COG1: variants seen among roughly 807,000 people sequenced by gnomAD.
COG1 encodes conserved oligomeric Golgi complex subunit 1.
A neutral mutation model predicts 102.2 loss-of-function variants in COG1; 61 were observed. That is an observed-to-expected ratio of 0.60 (90% CI 0.49 to 0.74). The LOEUF is 0.74. COG1 is among the 30% of genes least tolerant of loss of function. The probability of loss-of-function intolerance (pLI) is 0.00; values close to 1 mark genes in which losing one functional copy is unlikely to be tolerated. For synonymous variants in COG1, 454 were observed against 493.6 expected (o/e 0.92, Z 1.06); for missense variants, 1,164 against 1,232.1 (o/e 0.94, Z 0.83).
In COG1 at chr17:73,208,453, A is replaced by T. The variant is rs111321873; in HGVS notation, c.*2A>T. ...TGGCTCTCTAGTATGACTAAGTAAC[A>T]TGGCAACACATCTGTCTCTCCCTAA... On this transcript the variant is annotated 3_prime_UTR_variant, in exon 14 of 14. Coordinates refer to ENST00000299886, the MANE Select transcript of COG1 (RefSeq NM_018714.3). The T allele has an allele frequency of 5.3e-5, 85 of 1,613,962 alleles. No homozygotes were observed. The highest frequency in any genetic ancestry group is 7.2e-5 in the Non-Finnish European group (85 of 1,179,940).
chr17:73,203,080 G>C lies in COG1; in HGVS notation c.2154G>C (p.Glu718Asp), dbSNP rs2061353653. ...SVLATATSWD[E>D]LEIQEEAESG... is the part of the protein sequence containing the mutation. Reference sequence around the variant, plus strand: ...TGGCCACAGCCACCAGCTGGGATGAGCTAGAAATTCAGGAGGAGGCAGAGT... The same window carrying C: ...TGGCCACAGCCACCAGCTGGGATGACCTAGAAATTCAGGAGGAGGCAGAGT... The change falls in exon 8 of 14, where the codon GAG (glutamate) becomes GAC (aspartate). Residue 718 changes from glutamate (E) to aspartate (D), a missense_variant. Coordinates refer to ENST00000299886, the MANE Select transcript of COG1 (RefSeq NM_018714.3). 1 of 1,614,084 alleles carries C rather than the reference G, an allele frequency of 6.2e-7. No individual in the cohort carries two copies. The highest frequency in any genetic ancestry group is 8.5e-7 in the Non-Finnish European group (1 of 1,180,036).
chr17:73,205,235 G>GC (rs2061363364), intron 9 of COG1: 6 of 348,682 alleles, frequency 1.7e-5, no homozygotes, highest in Middle Eastern at 9.3e-4. Context: ...AATTCAGTAA[G>GC]TCTTCTCTAA....
rs1244185477 is a variant in COG1, at chr17:73,197,502, G to A, written c.913+106G>A. 6 of 1,226,042 alleles carry A rather than the reference G, an allele frequency of 4.9e-6. No homozygotes were observed. In the Admixed American group the frequency reaches 5.6e-5, roughly 12 times the overall value. 75.9% of individuals were successfully genotyped at this position (1,226,042 alleles called of 1,614,324 possible). ...TGCTAGGCTCTGGGGATGGAGCAGTGAACTGGACAAATAGAGGCCCTTCCT... is the reference window on the plus strand; with the variant it reads ...TGCTAGGCTCTGGGGATGGAGCAGTAAACTGGACAAATAGAGGCCCTTCCT... On this transcript the variant is annotated intron_variant, in intron 4 of 13. Transcript: ENST00000299886.
At chr17:73,203,285 T>A in intron 8 of COG1, 139 bp downstream of exon 8, 1 of 1,099,960 alleles carries the variant, frequency 9.1e-7, no homozygotes, top group Non-Finnish European at 1.3e-6. Flanking sequence ...GGGGGCATAG[T>A]AGATGTAGGG....
chr17:73,193,056 C>A lies in COG1; in HGVS notation c.-14C>A, dbSNP rs753966788. 1.4e-6 allele frequency: 2 copies of A among 1,394,550 alleles called. No homozygotes were observed. The highest frequency in any genetic ancestry group is 1.9e-6 in the Non-Finnish European group (2 of 1,043,100). The allele number at this position is 1,394,550 out of a possible 1,614,324, so 86.4% of individuals were successfully genotyped here. A position where few individuals can be genotyped will look rare whatever the true frequency, so the allele number is the denominator to read the frequency against. On this transcript the variant is annotated 5_prime_UTR_variant, in exon 1 of 14. It adds an upstream start codon to the 5' untranslated region. Coordinates refer to ENST00000299886, the MANE Select transcript of COG1 (RefSeq NM_018714.3). ...AAGGGCGTAGGTAGATCGCCGGGGG[C>A]TGACGAGTGCACCATGGCCACCGCG...
chr17:73,195,778 C>T lies in COG1; in HGVS notation c.316-729C>T, dbSNP rs779006979. On this transcript the variant is annotated intron_variant, in intron 1 of 13. Coordinates refer to ENST00000299886, the MANE Select transcript of COG1 (RefSeq NM_018714.3). The stretch of plus-strand genomic sequence containing the variant: ...AAATACAAAAATTAGCCAGGCGTGG[C>T]GACACGCACCTGCGATCCCAGCTAC... 7.2e-5 allele frequency among the ~76,000 whole-genome samples: 11 copies of T among 152,070 alleles called. 1 individual carries two copies. Among genetic ancestry groups the T allele is most frequent in the African/African-American group, 1.4e-4 (6 of 41,398 alleles).
Position 73,196,605 on chromosome 17 carries a change from TCA to T in COG1, c.415_416del (p.Gln139ValfsTer24). 2.5e-6 allele frequency: 4 copies of T among 1,614,208 alleles called. No homozygotes were observed. The highest frequency in any genetic ancestry group is 3.4e-6 in the Non-Finnish European group (4 of 1,180,038). On this transcript the variant is annotated frameshift_variant, in exon 2 of 14. Coordinates refer to ENST00000299886, the MANE Select transcript of COG1 (RefSeq NM_018714.3). LOFTEE classifies it high-confidence loss of function. ...EKIWSSMEAS[Q>X]CLHATQLYLL... Reference sequence around the variant, plus strand: ...AGATCTGGAGCTCGATGGAAGCCTCTCAGTGTCTCCACGCCACACAGCTCTAC... The same window carrying T: ...AGATCTGGAGCTCGATGGAAGCCTCTGTGTCTCCACGCCACACAGCTCTAC...
chr17:73,194,506 C>T lies in COG1; in HGVS notation c.315+1122C>T, dbSNP rs1209336728. On this transcript the variant is annotated intron_variant, in intron 1 of 13. Coordinates refer to ENST00000299886, the MANE Select transcript of COG1 (RefSeq NM_018714.3). ...TGAGACAGGATCTCGCTCTGTCACC[C>T]AGGCTGGAGTGCAGTGGCGCGATCT... Among the ~76,000 whole-genome samples, 3 of 145,334 alleles carry T rather than the reference C, an allele frequency of 2.1e-5. 1 individual carries two copies. Among genetic ancestry groups the T allele is most frequent in the Non-Finnish European group, 4.5e-5 (3 of 67,134 alleles).
Position 73,201,245 on chromosome 17 carries a change from TCTTC to T in COG1, c.1421_1424del (p.Phe474SerfsTer31), listed in dbSNP as rs1322159991. The T allele has an allele frequency of 6.2e-7, 1 of 1,614,218 alleles. No individual in the cohort carries two copies. The highest frequency in any genetic ancestry group is 2.2e-5 in the East Asian group (1 of 44,890). Reference sequence around the variant, plus strand: ...ATCCACTTTGAGTACAACATGTCGCTCTTCCTCTGGTCTGAGAGTCCTAATGACC... The same window carrying T: ...ATCCACTTTGAGTACAACATGTCGCTCTCTGGTCTGAGAGTCCTAATGACC... On this transcript the variant is annotated frameshift_variant, in exon 7 of 14. Coordinates refer to ENST00000299886, the MANE Select transcript of COG1 (RefSeq NM_018714.3). LOFTEE classifies it high-confidence loss of function.
At chr17:73,194,072 A>G (rs994587064) in intron 1 of COG1, among the ~76,000 whole-genome samples, 1 of 151,974 alleles carries the variant, frequency 6.6e-6, no homozygotes, top group Non-Finnish European at 1.5e-5. Flanking sequence ...CCCAAACGCT[A>G]TTGATTAGAC....
chr17:73,200,100 C>T (rs886143742), intron 5 of COG1, 79 bp downstream of exon 5: 100 of 1,500,020 alleles, frequency 6.7e-5, no homozygotes, highest in Admixed American at 5.4e-4. Flanking sequence ...CAAGGGTCAG[C>T]GAGGCATGTG....
intron 13 of COG1, 96 bp downstream of exon 13, chr17:73,207,352 C>T: frequency 8.8e-7 from 1 of 1,130,546 alleles, no homozygotes. Context: ...TGATTAAGAA[C>T]TGAATGACAA....
rs770789819 is a variant in COG1 at position 73,197,322 on chromosome 17, T to G, written c.839T>G (p.Leu280Arg). Residue 280 changes from leucine to arginine, a missense_variant, in exon 4 of 14, where the codon CTG (leucine) becomes CGG (arginine). Transcript: ENST00000299886. ...CTTTTCTACACTTTGCCAGAAGGAC[T>G]GCTGCCAGATCCAGCCCTGCCATGT... is the stretch of plus-strand genomic sequence containing the variant. Reference protein sequence around the residue: ...HALFYTLPEGLLPDPALPCGL... With the variant: ...HALFYTLPEGRLPDPALPCGL... 1.9e-6 allele frequency: 3 copies of G among 1,614,144 alleles called. No homozygotes were observed. Among genetic ancestry groups the G allele is most frequent in the Non-Finnish European group, 2.5e-6 (3 of 1,180,046 alleles).
At chr17:73,194,731 T>TG (rs2061318937) in intron 1 of COG1, among the ~76,000 whole-genome samples, 1 of 152,168 alleles carries the variant, frequency 6.6e-6, no homozygotes. Context: ...CCCAAAGTGA[T>TG]GGGATTACAG....
Position 73,196,997 on chromosome 17 carries a change from G to A in COG1, c.658G>A (p.Glu220Lys). The change falls in exon 3 of 14, where the codon GAG becomes AAG. Residue 220 changes from glutamate to lysine, a missense_variant. By Grantham distance (56) the Glu-to-Lys change is moderately conservative. Coordinates refer to ENST00000299886, the MANE Select transcript of COG1 (RefSeq NM_018714.3). ...EALCSIMLLE[E>K]SSPRQALTDF... The stretch of plus-strand genomic sequence containing the variant: ...CCTGTGCTCTATAATGCTCTTAGAA[G>A]AGAGTTCTCCTCGCCAAGCCCTCAC... 1 of 1,614,200 alleles carries A rather than the reference G, an allele frequency of 6.2e-7. No homozygotes were observed. The highest frequency in any genetic ancestry group is 2.2e-5 in the East Asian group (1 of 44,886).
At position 73,206,326 on chromosome 17, in the gene COG1, A is replaced by G. The variant is rs1025009099; in HGVS notation, c.2619+64A>G. ...GATACAGGCTCAAATAACAAAATTA[A>G]CCTGCTCAAGCACGTAATACTCCAG... On this transcript the variant is annotated intron_variant, in intron 11 of 13. Transcript: ENST00000299886. 14 of 1,288,082 alleles carry G rather than the reference A, an allele frequency of 1.1e-5. No individual in the cohort carries two copies. In the Admixed American group the frequency reaches 1.8e-4, roughly 17 times the overall value. 79.8% of individuals were successfully genotyped at this position (1,288,082 alleles called of 1,614,324 possible).
At chr17:73,193,927 G>T (rs377435218) in intron 1 of COG1, among the ~76,000 whole-genome samples, 26 of 151,984 alleles carry the variant, frequency 1.7e-4, no homozygotes, top group East Asian at 5.8e-4. Context: ...TATGTGACAG[G>T]GTCTCCCAAA....
rs572892699 is a variant in COG1, at chr17:73,202,135, A to G, written c.2073+235A>G. On this transcript the variant is annotated intron_variant, in intron 7 of 13. Coordinates refer to ENST00000299886, the MANE Select transcript of COG1 (RefSeq NM_018714.3). ...GGCAGATCGCGAGGTCAGGAGATCG[A>G]GACCATCCTGGCTAACATGGTGAAA... is the stretch of plus-strand genomic sequence containing the variant. 1.9e-3 allele frequency among the ~76,000 whole-genome samples: 283 copies of G among 151,444 alleles called. 1 individual carries two copies. Among genetic ancestry groups the G allele is most frequent in the African/African-American group, 6.6e-3 (273 of 41,278 alleles).
chr17:73,194,338 A>T (rs2061316486), intron 1 of COG1, among the ~76,000 whole-genome samples: 1 of 138,456 alleles, frequency 7.2e-6, no homozygotes, highest in African/African-American at 2.6e-5. Flanking sequence ...GCTACCTGGG[A>T]GGCTGAGGCA....
Sources: gnomAD v4.1 joint callset for allele counts (sites outside exome capture counted in the v4.1 genomes callset) on GRCh38, gnomAD v4.1.1 for gene constraint, MANE v1.5 for transcripts, NCBI Gene and HGNC (gene_info 2026-07-23, HGNC 2026-07-21) for gene names.